The following SEMA3E variants were observed in gnomAD, a reference collection of about 807,000 sequenced individuals.
SEMA3E encodes the protein semaphorin 3E.
In SEMA3E, 49 loss-of-function variants were observed where a neutral mutation model predicts 93.6. That is an observed-to-expected ratio of 0.52 (90% CI 0.42 to 0.66). SEMA3E has a LOEUF of 0.66. SEMA3E is among the 30% of genes least tolerant of loss of function. The probability of loss-of-function intolerance (pLI) is 0.00; values close to 1 mark genes in which losing one functional copy is unlikely to be tolerated. For synonymous variants in SEMA3E, 363 were observed against 330.7 expected (o/e 1.10, Z -1.06); for missense variants, 906 against 964.8 (o/e 0.94, Z 0.81).
At chr7:83,504,750 A>G (rs891847976) in intron 1 of SEMA3E, among the ~76,000 whole-genome samples, 3 of 152,170 alleles carry the variant, frequency 2.0e-5, no homozygotes, top group Non-Finnish European at 4.4e-5. Context: ...AATAGTACCT[A>G]AGAAGACCAC....
chr7:83,468,446 T>C (rs73707851), intron 3 of SEMA3E, among the ~76,000 whole-genome samples: 8,748 of 152,258 alleles, frequency 0.057, 608 homozygotes, highest in African/African-American at 0.16. Flanking sequence ...GTCAGCATCA[T>C]GCTGTGGGCT....
chr7:83,492,271 C>G (rs907859531), intron 1 of SEMA3E, among the ~76,000 whole-genome samples: 2 of 151,878 alleles, frequency 1.3e-5, no homozygotes, highest in African/African-American at 4.8e-5. Flanking sequence ...TAAGAGGCAG[C>G]CCATCCAGTA....
chr7:83,527,778 AT>A (rs11344671), intron 1 of SEMA3E, among the ~76,000 whole-genome samples: 44,780 of 139,920 alleles, frequency 0.32, 7,363 homozygotes, highest in African/African-American at 0.49. Flanking sequence ...AATTTTTGTG[AT>A]TTTTTTTTTG....
chr7:83,462,637 C>T lies in SEMA3E; in HGVS notation c.456+3845G>A, dbSNP rs564925427. ...CATTAAAACCTAATCACCTTTACCCCACTCAACGCCAATATCCCATCCCGC... is the reference window on the plus strand; with the variant it reads ...CATTAAAACCTAATCACCTTTACCCTACTCAACGCCAATATCCCATCCCGC... On this transcript the variant is annotated intron_variant, in intron 4 of 16. Transcript: ENST00000643230. Among the ~76,000 whole-genome samples the T allele has an allele frequency of 4.8e-3, 730 of 151,986 alleles. 4 individuals carry two copies. Among genetic ancestry groups the T allele is most frequent in the African/African-American group, 0.017 (704 of 41,418 alleles).
At chr7:83,436,738 CT>C (rs1185122410) in intron 4 of SEMA3E, among the ~76,000 whole-genome samples, 1 of 152,054 alleles carries the variant, frequency 6.6e-6, no homozygotes, top group East Asian at 1.9e-4. Context: ...GCATTATTTT[CT>C]TTTTGTTGTT....
intron 11 of SEMA3E, among the ~76,000 whole-genome samples, chr7:83,399,753 A>C (rs1386611784): frequency 6.6e-6 from 1 of 152,120 alleles, no homozygotes; most frequent in African/African-American, 2.4e-5. Flanking sequence ...GTCAGCTTCA[A>C]TATTTCTCAC....
intron 16 of SEMA3E, among the ~76,000 whole-genome samples, chr7:83,374,422 T>C (rs1019018116): frequency 6.6e-6 from 1 of 152,032 alleles, no homozygotes; most frequent in Non-Finnish European, 1.5e-5. Context: ...AAATGAAGGA[T>C]GCTGACAAAT....
chr7:83,380,861 A>G (rs1165203075), intron 16 of SEMA3E, among the ~76,000 whole-genome samples: 1 of 152,000 alleles, frequency 6.6e-6, no homozygotes, highest in Non-Finnish European at 1.5e-5. Context: ...CAGAAGGTCC[A>G]AAATAGTATT....
chr7:83,508,191 C>A (rs1261826018), intron 1 of SEMA3E, among the ~76,000 whole-genome samples: 1 of 151,450 alleles, frequency 6.6e-6, no homozygotes, highest in Admixed American at 6.6e-5. Flanking sequence ...CTGCTAAAAT[C>A]TTTTTAGTGT....
intron 1 of SEMA3E, among the ~76,000 whole-genome samples, chr7:83,514,187 C>T (rs1001140831): frequency 1.3e-5 from 2 of 152,050 alleles, no homozygotes; most frequent in South Asian, 2.1e-4. Context: ...GGGGTGGAGG[C>T]GCATGAATAA....
rs201440310 is a variant in SEMA3E at position 83,533,554 on chromosome 7, G to GATAAAATAAAATAAA, written c.116-43295_116-43281dup. On this transcript the variant is annotated intron_variant, in intron 1 of 16. Coordinates refer to ENST00000643230, the MANE Select transcript of SEMA3E (RefSeq NM_012431.3). ...GTGAGACCGTTTCTCAATAAAATAC[G>GATAAAATAAAATAAA]ATAAAATAAAATAAAATAAAATAAA... Among the ~76,000 whole-genome samples, 256 of 149,804 alleles carry GATAAAATAAAATAAA rather than the reference G, an allele frequency of 1.7e-3. 1 individual carries two copies. Among genetic ancestry groups the GATAAAATAAAATAAA allele is most frequent in the Non-Finnish European group, 2.6e-3 (174 of 67,644 alleles).
intron 9 of SEMA3E, among the ~76,000 whole-genome samples, chr7:83,403,543 T>A (rs1460540386): frequency 6.6e-6 from 1 of 152,020 alleles, no homozygotes; most frequent in East Asian, 1.9e-4. Context: ...TTTTAAAGAT[T>A]TTTTTAAACA....
At chr7:83,619,904 C>CAGACAGACAGACAGATAGATAGAT (rs71522672) in intron 1 of SEMA3E, among the ~76,000 whole-genome samples, 50 of 148,144 alleles carry the variant, frequency 3.4e-4, no homozygotes, top group South Asian at 1.3e-3. Context: ...GATAGATAGA[C>CAGACAGACAGACAGATAGATAGAT]AGATAGATAG....
intron 1 of SEMA3E, among the ~76,000 whole-genome samples, chr7:83,630,262 A>G (rs1364584400): frequency 6.6e-6 from 1 of 152,168 alleles, no homozygotes; most frequent in Non-Finnish European, 1.5e-5. Flanking sequence ...AAATTGTTTC[A>G]TTTCTTAAAG....
intron 4 of SEMA3E, among the ~76,000 whole-genome samples, chr7:83,425,222 G>GAA (rs11359603): frequency 5.8e-4 from 87 of 149,190 alleles, no homozygotes; most frequent in Non-Finnish European, 3.1e-4. Context: ...TTCAATACTT[G>GAA]AAAAAAAAAA....
At chr7:83,414,029 C>T (rs1165964270) in intron 5 of SEMA3E, among the ~76,000 whole-genome samples, 1 of 152,084 alleles carries the variant, frequency 6.6e-6, no homozygotes, top group Non-Finnish European at 1.5e-5. Flanking sequence ...CTACAATAAG[C>T]ATGTGGATAA....
chr7:83,388,387 G>C (rs1787927802), intron 14 of SEMA3E, among the ~76,000 whole-genome samples: 1 of 149,840 alleles, frequency 6.7e-6, no homozygotes, highest in South Asian at 2.1e-4. Context: ...GATTTAATAT[G>C]TAAGCCTTTT....
intron 1 of SEMA3E, among the ~76,000 whole-genome samples, chr7:83,626,625 T>C (rs973105247): frequency 1.3e-5 from 2 of 152,044 alleles, no homozygotes; most frequent in South Asian, 4.1e-4. Context: ...GGCTAGCAGA[T>C]TATCTATTTT....
intron 1 of SEMA3E, among the ~76,000 whole-genome samples, chr7:83,511,372 A>T (rs1040992546): frequency 6.6e-6 from 1 of 151,598 alleles, no homozygotes; most frequent in Non-Finnish European, 1.5e-5. Flanking sequence ...TTCATTTTCT[A>T]CTAAAACCAG....
Sources: allele counts gnomAD v4.1 joint callset (sites outside exome capture counted in the v4.1 genomes callset), GRCh38; gene constraint gnomAD v4.1.1; transcripts MANE v1.5; gene names NCBI Gene and HGNC (gene_info 2026-07-23, HGNC 2026-07-21).